The following FAM117B variants were observed in gnomAD, a reference collection of about 807,000 sequenced individuals.
FAM117B encodes family with sequence similarity 117 member B.
FAM117B carries 22 observed loss-of-function variants against 52.8 expected under a neutral mutation model. The ratio of observed to expected loss-of-function variants is 0.42; its 90% CI spans 0.30 to 0.59. FAM117B has a LOEUF of 0.59. FAM117B is among the 20% of genes least tolerant of loss of function. The pLI is 0.22. For synonymous variants in FAM117B, 309 were observed against 324.1 expected (o/e 0.95, Z 0.50); for missense variants, 678 against 802.6 (o/e 0.84, Z 1.88).
chr2:202,756,622 C>T (rs1691803833), intron 5 of FAM117B, among the ~76,000 whole-genome samples: 1 of 152,026 alleles, frequency 6.6e-6, no homozygotes, highest in South Asian at 2.1e-4. Context: ...TCTCCTCCAT[C>T]CTGCTTGATG....
At chr2:202,699,426 CAAAAAAAAAAAAAAAAAAAAAAG>C (rs1205403272) in intron 2 of FAM117B, among the ~76,000 whole-genome samples, 27 of 17,900 alleles carry the variant, frequency 1.5e-3, no homozygotes, top group African/African-American at 4.3e-3. Context: ...GACCCCATCT[CAAAAAAAAAAAAAAAAAAAAAAG>C]AAAAAAAAAA....
intron 1 of FAM117B, among the ~76,000 whole-genome samples, chr2:202,680,801 G>C (rs1048823324): frequency 3.3e-5 from 5 of 152,112 alleles, no homozygotes; most frequent in Admixed American, 6.5e-5. Flanking sequence ...CAAAACCTGA[G>C]AGTAAATTAC....
At chr2:202,660,840 T>C (rs1351440976) in intron 1 of FAM117B, among the ~76,000 whole-genome samples, 3 of 152,196 alleles carry the variant, frequency 2.0e-5, no homozygotes, top group Non-Finnish European at 4.4e-5. Context: ...TTCTCTCAGT[T>C]TTAGGTGCCT....
Position 202,661,661 on chromosome 2 carries a change from A to G in FAM117B, c.601+25873A>G, listed in dbSNP as rs553453227. ...CCAGGTGCATTGGCTCACACCTGCA[A>G]TCCTAGCTCTTTAGAAGGCTGAGGC... On this transcript the variant is annotated intron_variant, in intron 1 of 7. Coordinates refer to ENST00000392238, the MANE Select transcript of FAM117B (RefSeq NM_173511.4). Among the ~76,000 whole-genome samples the G allele has an allele frequency of 3.3e-5, 5 of 152,332 alleles. No individual in the cohort carries two copies. In the South Asian group the frequency reaches 8.3e-4, roughly 25 times the overall value.
chr2:202,638,027 C>T (rs942397362), intron 1 of FAM117B, among the ~76,000 whole-genome samples: 21 of 152,156 alleles, frequency 1.4e-4, no homozygotes, highest in African/African-American at 4.1e-4. Flanking sequence ...CAGGCATGCG[C>T]TACCACGCCT....
chr2:202,671,461 A>G (rs998529209), intron 1 of FAM117B, among the ~76,000 whole-genome samples: 1 of 152,178 alleles, frequency 6.6e-6, no homozygotes, highest in African/African-American at 2.4e-5. Flanking sequence ...TTCTGGGAAT[A>G]ACTCCCAGGC....
chr2:202,685,405 A>G (rs1027088181), intron 1 of FAM117B, among the ~76,000 whole-genome samples: 1 of 152,210 alleles, frequency 6.6e-6, no homozygotes, highest in Non-Finnish European at 1.5e-5. Flanking sequence ...TTTATTATAT[A>G]TAAGTGTATA....
At chr2:202,663,755 T>C (rs970562668) in intron 1 of FAM117B, among the ~76,000 whole-genome samples, 3 of 152,142 alleles carry the variant, frequency 2.0e-5, no homozygotes, top group Admixed American at 6.5e-5. Flanking sequence ...AGCTAAGTTT[T>C]GTATTTTTAG....
chr2:202,695,740 T>C, intron 1 of FAM117B, 141 bp from the exon 2 acceptor site: 1 of 787,834 alleles, frequency 1.3e-6, no homozygotes, highest in African/African-American at 1.7e-5. Flanking sequence ...GCATCTTTAC[T>C]GGGGGTCTTG....
chr2:202,635,088 G>T lies in FAM117B; in HGVS notation c.-100G>T. 8.0e-7 allele frequency: 1 copy of T among 1,242,616 alleles called. No individual in the cohort carries two copies. The highest frequency in any genetic ancestry group is 1.0e-6 in the Non-Finnish European group (1 of 991,730). 77.0% of individuals were successfully genotyped at this position (1,242,616 alleles called of 1,614,324 possible). A position where few individuals can be genotyped will look rare whatever the true frequency, so the allele number is the denominator to read the frequency against. On this transcript the variant is annotated 5_prime_UTR_variant, in exon 1 of 8. Transcript: ENST00000392238. ...CCCCGGAGTCCGGCTTCGTCACCCC[G>T]TCTTGGGGGGCCTGCCCTCCGGCCT...
chr2:202,706,189 C>A (rs1037756939), intron 2 of FAM117B, among the ~76,000 whole-genome samples: 1 of 152,130 alleles, frequency 6.6e-6, no homozygotes, highest in Non-Finnish European at 1.5e-5. Flanking sequence ...ACATGTCTTT[C>A]TCTTTCCTGT....
At chr2:202,637,103 G>T (rs1161043249) in intron 1 of FAM117B, among the ~76,000 whole-genome samples, 1 of 151,664 alleles carries the variant, frequency 6.6e-6, no homozygotes, top group Non-Finnish European at 1.5e-5. Flanking sequence ...CACCATGTTG[G>T]CCAGGCTGGT....
intron 5 of FAM117B, among the ~76,000 whole-genome samples, chr2:202,756,783 A>C (rs1691806188): frequency 6.6e-6 from 1 of 152,012 alleles, no homozygotes; most frequent in African/African-American, 2.4e-5. Flanking sequence ...CCTTTCCCCC[A>C]TTTAGGAAGG....
chr2:202,726,969 T>A lies in FAM117B; in HGVS notation c.960+606T>A, dbSNP rs531590466. On this transcript the variant is annotated intron_variant, in intron 4 of 7. Coordinates refer to ENST00000392238, the MANE Select transcript of FAM117B (RefSeq NM_173511.4). The stretch of plus-strand genomic sequence containing the variant: ...TGTAAAAAAAAAAATAGCTGTCTCA[T>A]AGAAGTCTTTTGATAGAGACAAACC... 1.7e-3 allele frequency among the ~76,000 whole-genome samples: 262 copies of A among 152,262 alleles called. 1 individual carries two copies. The highest frequency in any genetic ancestry group is 1.5e-3 in the Non-Finnish European group (101 of 68,026).
intron 6 of FAM117B, among the ~76,000 whole-genome samples, chr2:202,758,137 G>C (rs1215408879): frequency 6.6e-6 from 1 of 152,146 alleles, no homozygotes; most frequent in African/African-American, 2.4e-5. Context: ...CAGTTCAGTA[G>C]TCATTTATTT....
intron 1 of FAM117B, among the ~76,000 whole-genome samples, chr2:202,657,802 A>G (rs1405320912): frequency 6.6e-6 from 1 of 152,090 alleles, no homozygotes; most frequent in Non-Finnish European, 1.5e-5. Flanking sequence ...TTTTTGTTCC[A>G]TAATCTCCCT....
chr2:202,744,164 GT>G (rs1559114139), intron 4 of FAM117B, among the ~76,000 whole-genome samples: 3 of 152,252 alleles, frequency 2.0e-5, no homozygotes, highest in African/African-American at 7.2e-5. Flanking sequence ...GTCTTAGTTC[GT>G]TTGTGTTTCT....
At chr2:202,637,191 C>G (rs1244829119) in intron 1 of FAM117B, among the ~76,000 whole-genome samples, 2 of 151,560 alleles carry the variant, frequency 1.3e-5, no homozygotes, top group Non-Finnish European at 2.9e-5. Flanking sequence ...GCCACTGCGC[C>G]CGGCCCGAAT....
chr2:202,644,053 GTTTTTTTTTTGTTT>G (rs1448804749), intron 1 of FAM117B, among the ~76,000 whole-genome samples: 7 of 60,162 alleles, frequency 1.2e-4, no homozygotes, highest in East Asian at 4.7e-4. Context: ...TTTAGGAGCT[GTTTTTTTTTTGTTT>G]TTTTTTTTTT....
Sources: allele counts gnomAD v4.1 joint callset (sites outside exome capture counted in the v4.1 genomes callset), GRCh38; gene constraint gnomAD v4.1.1; transcripts MANE v1.5; gene names NCBI Gene and HGNC (gene_info 2026-07-23, HGNC 2026-07-21).